EMILIN2: variants seen among roughly 807,000 people sequenced by gnomAD.
The protein encoded by EMILIN2 is elastin microfibril interfacer 2, also known as EMILIN-2.
EMILIN2 carries 71 observed loss-of-function variants against 87.1 expected under a neutral mutation model. The observed-to-expected ratio is 0.82, with a 90% CI of 0.67 to 0.99. The LOEUF (loss-of-function observed/expected upper bound fraction) is 0.99, where lower values mean the gene tolerates loss of function less well. Ranked by LOEUF, EMILIN2 falls within the 50% of genes least tolerant of loss-of-function variation. EMILIN2 has a pLI of 0.00. For synonymous variants in EMILIN2, 581 were observed against 563.4 expected, an observed-to-expected ratio of 1.03 and a Z score of -0.44; for missense variants, 1,407 against 1,371.8, an observed-to-expected ratio of 1.03 and a Z score of -0.40.
At chr18:2,877,706 A>AG (rs2076756279) in intron 2 of EMILIN2, among the ~76,000 whole-genome samples, 1 of 150,384 alleles carries the variant, frequency 6.6e-6, no homozygotes. Flanking sequence ...TGAACCCAGG[A>AG]GGTGGAGGTT....
intron 5 of EMILIN2, among the ~76,000 whole-genome samples, chr18:2,908,267 G>A (rs1317125099): frequency 2.0e-5 from 3 of 152,044 alleles, no homozygotes; most frequent in Admixed American, 2.0e-4. Context: ...GCATCTATCC[G>A]TGTATCCCTT....
chr18:2,864,863 G>A (rs555282083), intron 2 of EMILIN2, among the ~76,000 whole-genome samples: 84 of 147,588 alleles, frequency 5.7e-4, no homozygotes, highest in African/African-American at 1.9e-3. Flanking sequence ...CCAATCAGAC[G>A]TAGATTTGGT....
chr18:2,907,057 C>CA lies in EMILIN2; in HGVS notation c.2634_2635insA (p.Gly879ArgfsTer42). ...GCCAGACCGGGAGCGGCACCGTCCC[C>CA]GGCGCAGAAGGCTTCGCGGGCGCAC... On this transcript the variant is annotated frameshift_variant, in exon 5 of 8. Coordinates refer to ENST00000254528, the MANE Select transcript of EMILIN2 (RefSeq NM_032048.3). LOFTEE classifies it high-confidence loss of function. 1 of 1,267,214 alleles carries CA rather than the reference C, an allele frequency of 7.9e-7. No individual in the cohort carries two copies. Among genetic ancestry groups the CA allele is most frequent in the Non-Finnish European group, 9.9e-7 (1 of 1,010,708 alleles). 78.5% of individuals were successfully genotyped at this position (1,267,214 alleles called of 1,614,324 possible).
intron 3 of EMILIN2, among the ~76,000 whole-genome samples, chr18:2,889,580 C>T (rs528551158): frequency 2.8e-4 from 42 of 152,138 alleles, no homozygotes; most frequent in Admixed American, 5.9e-4. Flanking sequence ...TATCATTCCC[C>T]CCTTATTAAA....
intron 4 of EMILIN2, among the ~76,000 whole-genome samples, chr18:2,897,522 T>A (rs1314985074): frequency 6.6e-6 from 1 of 152,220 alleles, no homozygotes; most frequent in East Asian, 1.9e-4. Flanking sequence ...TTTTTCTTGC[T>A]TTCCCTTTTT....
Position 2,847,176 on chromosome 18 carries a change from C to A in EMILIN2, c.-13C>A. On this transcript the variant is annotated 5_prime_UTR_variant, in exon 1 of 8. Coordinates refer to ENST00000254528, the MANE Select transcript of EMILIN2 (RefSeq NM_032048.3). This position sits in a 1 kb window ranked among gnomAD's most constrained non-coding sequence, Gnocchi z 4.5. ...CGGACCCGGGCAGGCGGGGCGCGCC[C>A]GCTGCGCGCGGGATGTGGCAGCCCA... The A allele has an allele frequency of 9.0e-7, 1 of 1,108,886 alleles. No individual in the cohort carries two copies. Among genetic ancestry groups the A allele is most frequent in the South Asian group, 3.9e-5 (1 of 25,786 alleles). 68.7% of individuals were successfully genotyped at this position (1,108,886 alleles called of 1,614,324 possible).
At chr18:2,864,520 CT>C (rs1161880817) in intron 2 of EMILIN2, among the ~76,000 whole-genome samples, 1 of 152,152 alleles carries the variant, frequency 6.6e-6, no homozygotes, top group East Asian at 1.9e-4. Flanking sequence ...GTTGAAAATT[CT>C]TTTCTTTAAG....
At chr18:2,882,500 C>T (rs774322184) in intron 2 of EMILIN2, among the ~76,000 whole-genome samples, 22 of 152,164 alleles carry the variant, frequency 1.4e-4, no homozygotes, top group Non-Finnish European at 7.3e-5. Context: ...TGCCTGTAAT[C>T]CCAGCACTTT....
chr18:2,911,234 T>C (rs2076939327), intron 7 of EMILIN2, among the ~76,000 whole-genome samples: 1 of 152,202 alleles, frequency 6.6e-6, no homozygotes, highest in Admixed American at 6.5e-5. Flanking sequence ...GTCCCTTTCC[T>C]GATTCTTCCC....
intron 4 of EMILIN2, among the ~76,000 whole-genome samples, chr18:2,904,877 A>G (rs2076902715): frequency 6.6e-6 from 1 of 152,202 alleles, no homozygotes; most frequent in Non-Finnish European, 1.5e-5. Context: ...ATCCTCCTAT[A>G]TCCAGCTAGA....
intron 5 of EMILIN2, 139 bp from the exon 6 acceptor site, chr18:2,908,804 G>T (rs2076927076): frequency 2.1e-6 from 2 of 962,690 alleles, no homozygotes; most frequent in East Asian, 2.4e-5. Context: ...GTGACAGTGG[G>T]TGCCCTTGTT....
At chr18:2,903,116 GGAAA>G (rs1248400648) in intron 4 of EMILIN2, among the ~76,000 whole-genome samples, 1 of 151,786 alleles carries the variant, frequency 6.6e-6, no homozygotes, top group Admixed American at 6.6e-5. Flanking sequence ...TGGGGAGGAA[GGAAA>G]GAGAGGTTGA....
intron 7 of EMILIN2, 38 bp from the exon 8 acceptor site, chr18:2,913,029 A>G: frequency 6.3e-7 from 1 of 1,598,848 alleles, no homozygotes; most frequent in African/African-American, 1.3e-5. Context: ...GGCTGTGACG[A>G]CAGCAGGTGA....
intron 4 of EMILIN2, among the ~76,000 whole-genome samples, chr18:2,896,698 G>A (rs2076865445): frequency 6.6e-6 from 1 of 151,984 alleles, no homozygotes; most frequent in Admixed American, 6.6e-5. Flanking sequence ...TGTTGCCCAG[G>A]CTGGTCTCAA....
intron 2 of EMILIN2, among the ~76,000 whole-genome samples, chr18:2,881,589 C>T (rs907265188): frequency 1.3e-5 from 2 of 152,330 alleles, no homozygotes; most frequent in East Asian, 1.9e-4. Flanking sequence ...GAGTGGGGGC[C>T]GTTCCTCTTC....
intron 2 of EMILIN2, among the ~76,000 whole-genome samples, chr18:2,878,917 T>C (rs2076763054): frequency 6.6e-6 from 1 of 151,994 alleles, no homozygotes; most frequent in South Asian, 2.1e-4. Context: ...ATTAAGCGAG[T>C]GTCCCCAAGG....
chr18:2,889,249 T>C (rs1014754209), intron 3 of EMILIN2, among the ~76,000 whole-genome samples: 1 of 151,612 alleles, frequency 6.6e-6, no homozygotes, highest in African/African-American at 2.4e-5. Context: ...GCGATTTTTC[T>C]GTCTCAGCCT....
At position 2,885,245 on chromosome 18, in the gene EMILIN2, G is replaced by A. The variant is rs954277290; in HGVS notation, c.433+106G>A. On this transcript the variant is annotated intron_variant, in intron 3 of 7. Coordinates refer to ENST00000254528, the MANE Select transcript of EMILIN2 (RefSeq NM_032048.3). ...CAATGGTGAGCTTTGAATGGCCTTC[G>A]AATAACACACATAGATACCTGCAGT... The A allele has an allele frequency of 9.8e-5, 123 of 1,249,598 alleles. No individual in the cohort carries two copies. In the East Asian group the frequency reaches 1.5e-3, roughly 15 times the overall value. The allele number at this position is 1,249,598 out of a possible 1,614,324, so 77.4% of individuals were successfully genotyped here. A position where few individuals can be genotyped will look rare whatever the true frequency, so the allele number is the denominator to read the frequency against.
At chr18:2,902,894 G>T (rs180702821) in intron 4 of EMILIN2, among the ~76,000 whole-genome samples, 13 of 152,222 alleles carry the variant, frequency 8.5e-5, no homozygotes, top group African/African-American at 2.6e-4. Flanking sequence ...CTGGATGAGG[G>T]AGAACAAGGG....
Sources: gnomAD v4.1 joint callset for allele counts (sites outside exome capture counted in the v4.1 genomes callset) on GRCh38, gnomAD v4.1.1 for gene constraint, Gnocchi (gnomAD v3.1) non-coding constraint, MANE v1.5 for transcripts, NCBI Gene and HGNC (gene_info 2026-07-23, HGNC 2026-07-21) for gene names.